Variants in ARNT2 observed in about 807,000 individuals in gnomAD.
ARNT2 encodes aryl hydrocarbon receptor nuclear translocator 2, also known as ARNT protein 2.
ARNT2 carries 36 observed loss-of-function variants against 91.7 expected under a neutral mutation model. The ratio of observed to expected loss-of-function variants is 0.39; its 90% CI spans 0.30 to 0.52. The LOEUF is 0.52. ARNT2 is among the 20% of genes least tolerant of loss of function. The pLI is 0.72. For missense variants in ARNT2, 775 were observed against 939.3 expected (o/e 0.83, Z 2.29); for synonymous variants, 365 against 347.1 (o/e 1.05, Z -0.57).
chr15:80,523,557 A>G (rs1897587567), intron 8 of ARNT2, among the ~76,000 whole-genome samples: 1 of 152,144 alleles, frequency 6.6e-6, no homozygotes, highest in South Asian at 2.1e-4. Flanking sequence ...TCTTCACTTG[A>G]GTTAATCATT....
At position 80,591,918 on chromosome 15, in the gene ARNT2, G is replaced by A. The variant is rs149866975; in HGVS notation, c.2055+214G>A. ...AGGAGAAGGGGCTGATGTAGCCTTC[G>A]AGCTAAGCCACACAATAGAGGAGGC... On this transcript the variant is annotated intron_variant, in intron 18 of 18. Coordinates refer to ENST00000303329, the MANE Select transcript of ARNT2 (RefSeq NM_014862.4). The surrounding 1 kb of genome is among the most constrained non-coding windows in gnomAD (Gnocchi z 5.1). Among the ~76,000 whole-genome samples the A allele has an allele frequency of 1.2e-4, 18 of 152,238 alleles. No homozygotes were observed. Among genetic ancestry groups the A allele is most frequent in the African/African-American group, 3.6e-4 (15 of 41,540 alleles).
rs528490646 is a variant in ARNT2, at chr15:80,525,983, A to G, written c.877+11578A>G. Among the ~76,000 whole-genome samples, 6 of 152,328 alleles carry G rather than the reference A, an allele frequency of 3.9e-5. No homozygotes were observed. In the East Asian group the frequency reaches 9.6e-4, roughly 24 times the overall value. ...ATCTTTAAAGGTGGGCAGCAGAGGTAGACTTTGGGGAGTGAACAAGGGTTA... is the reference window on the plus strand; with the variant it reads ...ATCTTTAAAGGTGGGCAGCAGAGGTGGACTTTGGGGAGTGAACAAGGGTTA... On this transcript the variant is annotated intron_variant, in intron 8 of 18. Transcript: ENST00000303329.
At position 80,520,171 on chromosome 15, in the gene ARNT2, A is replaced by G. The variant is rs145332316; in HGVS notation, c.877+5766A>G. Among the ~76,000 whole-genome samples the G allele has an allele frequency of 5.9e-4, 90 of 152,210 alleles. 1 individual carries two copies. The East Asian group carries it at 0.017, about 28-fold the overall frequency. On this transcript the variant is annotated intron_variant, in intron 8 of 18. Transcript: ENST00000303329. ...AAATAGACACAATTCTGTATTCTGA[A>G]GATAAAAATGGACAATAAACAAGAT...
Position 80,575,107 on chromosome 15 carries a change from G to C in ARNT2, c.1510G>C (p.Ala504Pro). 6.2e-7 allele frequency: 1 copy of C among 1,614,126 alleles called. No homozygotes were observed. The highest frequency in any genetic ancestry group is 1.1e-5 in the South Asian group (1 of 91,082). Residue 504 changes from alanine to proline, a missense_variant, in exon 14 of 19, where the codon GCA becomes CCA. This residue lies in a region of ARNT2 where 325 missense variants were observed against 359.9 expected (regional missense o/e 0.90). Coordinates refer to ENST00000303329, the MANE Select transcript of ARNT2 (RefSeq NM_014862.4). ...RFAEMFAGIS[A>P]SEKKMMSSAS... is the part of the protein sequence containing the mutation. ...TGCTGAAATGTTTGCAGGAATTAGT[G>C]CATGTAAGTTTCCAAATGGTACTGA...
intron 1 of ARNT2, among the ~76,000 whole-genome samples, chr15:80,424,517 C>T (rs1020340139): frequency 3.3e-5 from 5 of 152,192 alleles, no homozygotes; most frequent in Non-Finnish European, 7.3e-5. Flanking sequence ...GCTGCTCTTC[C>T]AGTCAGATGT....
chr15:80,427,418 T>G (rs1895949247), intron 1 of ARNT2, among the ~76,000 whole-genome samples: 1 of 152,178 alleles, frequency 6.6e-6, no homozygotes, highest in African/African-American at 2.4e-5. Context: ...GTATGGTACC[T>G]AATATACAAG....
chr15:80,513,087 T>C (rs1386164210), intron 6 of ARNT2, among the ~76,000 whole-genome samples: 2 of 152,206 alleles, frequency 1.3e-5, no homozygotes, highest in Non-Finnish European at 2.9e-5. Context: ...CTCTTATCCC[T>C]GCTGTATTGA....
rs1898795687 is a variant in ARNT2 at position 80,581,386 on chromosome 15, A to C, written c.1900A>C (p.Asn634His). 1.2e-6 allele frequency: 2 copies of C among 1,613,982 alleles called. No homozygotes were observed. Among genetic ancestry groups the C allele is most frequent in the Non-Finnish European group, 1.7e-6 (2 of 1,179,988 alleles). Residue 634 changes from asparagine to histidine, a missense_variant, in exon 17 of 19, where the codon AAC (asparagine) becomes CAC (histidine). Transcript: ENST00000303329. ...PSGNAYSSLA[N>H]RTPGFAESGQ... is the part of the protein sequence containing the mutation. ...TGGGAATGCCTACTCCAGTCTTGCC[A>C]ACAGGACTCCAGGGTTCGGTAGGTG...
intron 10 of ARNT2, 104 bp from the exon 11 acceptor site, chr15:80,554,961 G>A: frequency 1.6e-6 from 2 of 1,265,138 alleles, no homozygotes; most frequent in Non-Finnish European, 2.3e-6. Context: ...CAGGCTAAAG[G>A]AGATGAGTTA....
intron 8 of ARNT2, among the ~76,000 whole-genome samples, chr15:80,541,374 G>C (rs1169789667): frequency 6.6e-6 from 1 of 152,110 alleles, no homozygotes; most frequent in Non-Finnish European, 1.5e-5. Flanking sequence ...GTTCCTTATA[G>C]ATTCTGGGTC....
At chr15:80,580,334 T>G in intron 15 of ARNT2, 77 bp from the exon 16 acceptor site, 1 of 1,548,306 alleles carries the variant, frequency 6.5e-7, no homozygotes, top group African/African-American at 1.4e-5. Context: ...CCAGGGCAGA[T>G]TGTGTGGTTG....
At chr15:80,492,396 C>G (rs982856911) in intron 5 of ARNT2, among the ~76,000 whole-genome samples, 10 of 152,176 alleles carry the variant, frequency 6.6e-5, no homozygotes, top group Admixed American at 6.5e-4. Context: ...AGTCCTCCAA[C>G]TTTGTTCCTC....
intron 13 of ARNT2, among the ~76,000 whole-genome samples, chr15:80,574,490 G>A (rs1319166103): frequency 2.0e-5 from 3 of 152,308 alleles, no homozygotes; most frequent in Middle Eastern, 3.4e-3. Flanking sequence ...AGGACCATGC[G>A]TGAACTGTAG....
intron 8 of ARNT2, among the ~76,000 whole-genome samples, chr15:80,533,461 A>G (rs1414854440): frequency 1.3e-5 from 2 of 152,022 alleles, no homozygotes; most frequent in Admixed American, 6.6e-5. Flanking sequence ...AGGCAGAAAT[A>G]TGGTAATGGA....
intron 6 of ARNT2, among the ~76,000 whole-genome samples, chr15:80,509,448 A>G (rs1235781350): frequency 1.3e-5 from 2 of 151,704 alleles, no homozygotes; most frequent in Non-Finnish European, 2.9e-5. Flanking sequence ...TCTCAAAAAA[A>G]AAGAGACTAA....
At chr15:80,419,531 T>C (rs1311035850) in intron 1 of ARNT2, among the ~76,000 whole-genome samples, 3 of 152,186 alleles carry the variant, frequency 2.0e-5, no homozygotes, top group Non-Finnish European at 4.4e-5. Flanking sequence ...AGATAATTAA[T>C]GAGTGGACTG....
chr15:80,570,813 G>A (rs1898570307), intron 12 of ARNT2, among the ~76,000 whole-genome samples: 1 of 152,174 alleles, frequency 6.6e-6, no homozygotes. Context: ...GATCTTGTGG[G>A]TTCTGAGCAA....
chr15:80,409,107 G>A (rs550342571), intron 1 of ARNT2, among the ~76,000 whole-genome samples: 2 of 152,234 alleles, frequency 1.3e-5, no homozygotes, highest in Middle Eastern at 3.4e-3. Flanking sequence ...GTTCACATTA[G>A]GATTCACTCT....
At chr15:80,483,740 A>G (rs1382788183) in intron 5 of ARNT2, among the ~76,000 whole-genome samples, 1 of 152,222 alleles carries the variant, frequency 6.6e-6, no homozygotes, top group Non-Finnish European at 1.5e-5. Flanking sequence ...AAAGCCAGTT[A>G]TACATGATGC....
Sources: gnomAD v4.1 joint callset for allele counts (sites outside exome capture counted in the v4.1 genomes callset) on GRCh38, gnomAD v4.1.1 for gene constraint, gnomAD v4.1.1 regional missense constraint, Gnocchi (gnomAD v3.1) non-coding constraint, MANE v1.5 for transcripts, NCBI Gene and HGNC (gene_info 2026-07-23, HGNC 2026-07-21) for gene names.